TENM4: variants seen among roughly 807,000 people sequenced by gnomAD.
TENM4 encodes teneurin transmembrane protein 4, also known as teneurin-4.
In TENM4, 82 loss-of-function variants were observed where a neutral mutation model predicts 243.3. The observed-to-expected ratio is 0.34, with a 90% CI of 0.28 to 0.40. The LOEUF is 0.40. Among genes scored for constraint, TENM4 ranks in the 10% least tolerant of loss-of-function variants. TENM4 has a pLI of 1.00. For synonymous variants in TENM4, 1,412 were observed against 1,456.3 expected, an observed-to-expected ratio of 0.97 and a Z score of 0.69; for missense variants, 3,138 against 3,673.3, an observed-to-expected ratio of 0.85 and a Z score of 3.77.
At chr11:79,116,466 C>T (rs1239241455) in intron 4 of TENM4, among the ~76,000 whole-genome samples, 2 of 151,754 alleles carry the variant, frequency 1.3e-5, no homozygotes, top group Non-Finnish European at 2.9e-5. Flanking sequence ...AAGTTTTTGT[C>T]TAAGTCAAGT....
At chr11:79,176,907 G>T (rs553349947) in intron 3 of TENM4, among the ~76,000 whole-genome samples, 1 of 152,094 alleles carries the variant, frequency 6.6e-6, no homozygotes, top group African/African-American at 2.4e-5. Context: ...GTAGGAGACC[G>T]GTCAGGGTGG....
chr11:79,326,028 T>G (rs554309783), intron 1 of TENM4, among the ~76,000 whole-genome samples: 1 of 152,350 alleles, frequency 6.6e-6, no homozygotes, highest in East Asian at 1.9e-4. Context: ...TTGGGTTGCA[T>G]GCCTATTATT....
chr11:79,124,611 G>A (rs1409579578), intron 4 of TENM4, among the ~76,000 whole-genome samples: 2 of 149,794 alleles, frequency 1.3e-5, no homozygotes, highest in African/African-American at 4.9e-5. Flanking sequence ...GTGTGTGTGT[G>A]TATATATACA....
At chr11:79,015,927 G>T (rs11237686) in intron 6 of TENM4, among the ~76,000 whole-genome samples, 5,717 of 152,214 alleles carry the variant, frequency 0.038, 390 homozygotes, top group African/African-American at 0.13. Context: ...AGTTAGATTG[G>T]ACCTAAAGAT....
chr11:78,890,726 G>A (rs774508316), intron 8 of TENM4, among the ~76,000 whole-genome samples: 4 of 152,174 alleles, frequency 2.6e-5, no homozygotes, highest in Non-Finnish European at 5.9e-5. Context: ...TAGTCATGAG[G>A]GCAGCGGGGT....
rs146753133 is a variant in TENM4, at chr11:78,667,553, CA to C, written c.7408+1383del. Among the ~76,000 whole-genome samples, 1,432 of 152,226 alleles carry C rather than the reference CA, an allele frequency of 9.4e-3. 22 individuals carry two copies. The highest frequency in any genetic ancestry group is 0.032 in the African/African-American group (1,323 of 41,530). On this transcript the variant is annotated intron_variant, in intron 32 of 33. Transcript: ENST00000278550. ...TGTCAGCTACTTTGTGAAGACTTCCCAGAATGCTCTGGGCAGAGCAGGTGGC... is the reference window on the plus strand; with the variant it reads ...TGTCAGCTACTTTGTGAAGACTTCCCGAATGCTCTGGGCAGAGCAGGTGGC...
At chr11:79,273,498 C>A (rs1832891965) in intron 2 of TENM4, among the ~76,000 whole-genome samples, 1 of 152,196 alleles carries the variant, frequency 6.6e-6, no homozygotes. Context: ...TGAATTCCCA[C>A]CACAGGCCAA....
At chr11:78,928,765 G>T (rs1055135881) in intron 6 of TENM4, among the ~76,000 whole-genome samples, 7 of 152,154 alleles carry the variant, frequency 4.6e-5, no homozygotes, top group Non-Finnish European at 1.0e-4. Context: ...AGTACTGATT[G>T]GGTGGAGCAG....
intron 6 of TENM4, among the ~76,000 whole-genome samples, chr11:78,926,882 G>A (rs144514772): frequency 4.6e-5 from 7 of 152,102 alleles, no homozygotes; most frequent in African/African-American, 1.7e-4. Context: ...GAAGCTTTTA[G>A]AAATGTTTAT....
Position 79,221,281 on chromosome 11 carries a change from T to C in TENM4, c.-264-5372A>G, listed in dbSNP as rs145826893. Among the ~76,000 whole-genome samples, 129 of 152,114 alleles carry C rather than the reference T, an allele frequency of 8.5e-4. 1 individual carries two copies. Among genetic ancestry groups the C allele is most frequent in the Non-Finnish European group, 1.5e-3 (102 of 67,990 alleles). On this transcript the variant is annotated intron_variant, in intron 2 of 33. Transcript: ENST00000278550. ...CTGACTCCTGAGAAAAGTAAAGAAA[T>C]AAAACTTGTTGCAAATAAACAGGGA...
At chr11:78,916,632 TC>T (rs1361751686) in intron 6 of TENM4, among the ~76,000 whole-genome samples, 1 of 152,234 alleles carries the variant, frequency 6.6e-6, no homozygotes, top group Admixed American at 6.5e-5. Flanking sequence ...ATGACAATGA[TC>T]AGGGCTTTTA....
At chr11:78,823,403 G>A (rs1018764835) in intron 12 of TENM4, among the ~76,000 whole-genome samples, 1 of 152,218 alleles carries the variant, frequency 6.6e-6, no homozygotes, top group Admixed American at 6.5e-5. Flanking sequence ...CAGCCCACTG[G>A]GCAGAGGTTC....
chr11:79,379,939 C>T (rs936673418), intron 1 of TENM4, among the ~76,000 whole-genome samples: 1 of 152,080 alleles, frequency 6.6e-6, no homozygotes, highest in African/African-American at 2.4e-5. Flanking sequence ...GCTGGGGGAT[C>T]AAGAGCTCTG....
At chr11:79,066,660 A>G (rs1432772345) in intron 5 of TENM4, among the ~76,000 whole-genome samples, 2 of 151,492 alleles carry the variant, frequency 1.3e-5, no homozygotes, top group Non-Finnish European at 2.9e-5. Flanking sequence ...ACACGTGCAA[A>G]CATGCACATG....
At chr11:78,674,005 A>C (rs953553501) in intron 30 of TENM4, among the ~76,000 whole-genome samples, 1 of 152,148 alleles carries the variant, frequency 6.6e-6, no homozygotes, top group African/African-American at 2.4e-5. Flanking sequence ...AGGAAGATAC[A>C]GGGGCTGTGC....
intron 9 of TENM4, among the ~76,000 whole-genome samples, chr11:78,887,902 A>T (rs2136287982): frequency 1.3e-5 from 2 of 152,380 alleles, no homozygotes; most frequent in Admixed American, 1.3e-4. Context: ...ATAGCAGCAA[A>T]CTACTCAAAT....
chr11:79,428,537 T>C (rs1859101467), intron 1 of TENM4, among the ~76,000 whole-genome samples: 1 of 152,136 alleles, frequency 6.6e-6, no homozygotes. Context: ...GGGTTGTGCA[T>C]GAATGGTTAA....
chr11:79,293,824 G>T (rs933045143), intron 2 of TENM4, among the ~76,000 whole-genome samples: 5 of 152,190 alleles, frequency 3.3e-5, no homozygotes, highest in Admixed American at 2.6e-4. Flanking sequence ...GGGACCAGAG[G>T]CTAGCACACC....
At chr11:78,937,195 G>A (rs950763848) in intron 6 of TENM4, among the ~76,000 whole-genome samples, 1 of 152,072 alleles carries the variant, frequency 6.6e-6, no homozygotes, top group Non-Finnish European at 1.5e-5. Context: ...GAAAGAGAGG[G>A]TCTGGTAGAT....
Sources: gnomAD v4.1 joint callset for allele counts (sites outside exome capture counted in the v4.1 genomes callset) on GRCh38, gnomAD v4.1.1 for gene constraint, MANE v1.5 for transcripts, NCBI Gene and HGNC (gene_info 2026-07-23, HGNC 2026-07-21) for gene names.